Variants in PRKAR2B observed in about 807,000 individuals in gnomAD.
PRKAR2B encodes the protein protein kinase cAMP-dependent type II regulatory subunit beta.
PRKAR2B carries 14 observed loss-of-function variants against 49.9 expected under a neutral mutation model. The ratio of observed to expected loss-of-function variants is 0.28; its 90% CI spans 0.19 to 0.44. The LOEUF (loss-of-function observed/expected upper bound fraction) is 0.44. Among genes scored for constraint, PRKAR2B ranks in the 20% least tolerant of loss-of-function variants. The pLI is 1.00. For synonymous variants in PRKAR2B, 196 were observed against 197.7 expected (o/e 0.99, Z 0.07); for missense variants, 393 against 537.9 (o/e 0.73, Z 2.67).
intron 4 of PRKAR2B, among the ~76,000 whole-genome samples, chr7:107,135,121 CAAT>C (rs1272140546): frequency 6.6e-6 from 1 of 151,564 alleles, no homozygotes; most frequent in Non-Finnish European, 1.5e-5. Flanking sequence ...CACAACTCAA[CAAT>C]AAAAAGACAA....
chr7:107,141,061 C>A, intron 5 of PRKAR2B, 108 bp downstream of exon 5: 1 of 732,566 alleles, frequency 1.4e-6, no homozygotes, highest in Non-Finnish European at 2.2e-6. Context: ...GTTATTGCCG[C>A]TACTCTTATT....
rs757942408 is a variant in PRKAR2B, at chr7:107,140,861, A to T, written c.495A>T (p.Gln165His). The change falls in exon 5 of 11, where the codon CAA (glutamine) becomes CAT (histidine). Residue 165 changes from glutamine (Q) to histidine (H), a missense_variant. This residue lies in a region of PRKAR2B where 233 missense variants were observed against 390.4 expected (regional missense o/e 0.60). Coordinates refer to ENST00000265717, the MANE Select transcript of PRKAR2B (RefSeq NM_002736.3). Reference sequence around the variant, plus strand: ...TTTAAAAATAGGAGCAGATGTCTCAAGTATTAGATGCCATGTTTGAAAAAT... The same window carrying T: ...TTTAAAAATAGGAGCAGATGTCTCATGTATTAGATGCCATGTTTGAAAAAT... ...FKNLDPEQMS[Q>H]VLDAMFEKLV... 3 of 1,610,976 alleles carry T rather than the reference A, an allele frequency of 1.9e-6. No homozygotes were observed. The highest frequency in any genetic ancestry group is 2.5e-6 in the Non-Finnish European group (3 of 1,178,432).
At chr7:107,135,559 ACTTTC>A (rs1424743959) in intron 4 of PRKAR2B, among the ~76,000 whole-genome samples, 1 of 152,192 alleles carries the variant, frequency 6.6e-6, no homozygotes, top group Non-Finnish European at 1.5e-5. Flanking sequence ...AAAGTTAATC[ACTTTC>A]CTTTATATCA....
At chr7:107,090,594 T>A (rs993302723) in intron 2 of PRKAR2B, among the ~76,000 whole-genome samples, 2 of 152,252 alleles carry the variant, frequency 1.3e-5, no homozygotes, top group Admixed American at 1.3e-4. Context: ...TCTGTCTTTC[T>A]TTGCCAAAGG....
intron 2 of PRKAR2B, among the ~76,000 whole-genome samples, chr7:107,097,265 CCTT>C (rs1794859272): frequency 6.6e-6 from 1 of 152,000 alleles, no homozygotes. Flanking sequence ...TATGTAATGG[CCTT>C]CTTTGTCTCT....
intron 5 of PRKAR2B, among the ~76,000 whole-genome samples, chr7:107,144,736 G>T (rs1795857542): frequency 6.6e-6 from 1 of 150,462 alleles, no homozygotes; most frequent in Admixed American, 6.6e-5. Flanking sequence ...GGAATTACAG[G>T]CATGAGGTAC....
chr7:107,131,460 A>C (rs1279229945), intron 4 of PRKAR2B, among the ~76,000 whole-genome samples: 2 of 152,252 alleles, frequency 1.3e-5, no homozygotes, highest in Non-Finnish European at 2.9e-5. Flanking sequence ...TTTTGTAAAC[A>C]TAAGAGTTCT....
chr7:107,095,256 C>A (rs1184000172), intron 2 of PRKAR2B, among the ~76,000 whole-genome samples: 5 of 152,066 alleles, frequency 3.3e-5, no homozygotes, highest in Non-Finnish European at 5.9e-5. Flanking sequence ...GTATTTTATT[C>A]TCTTTGAAGC....
At chr7:107,065,516 TCTA>T (rs1475668150) in intron 1 of PRKAR2B, among the ~76,000 whole-genome samples, 4 of 152,172 alleles carry the variant, frequency 2.6e-5, no homozygotes, top group African/African-American at 9.7e-5. Flanking sequence ...TTTTTAGTCT[TCTA>T]CTGGATTTCT....
rs1033077625 is a variant in PRKAR2B at position 107,044,864 on chromosome 7, G to A, written c.-44G>A. On this transcript the variant is annotated 5_prime_UTR_variant, in exon 1 of 11. Transcript: ENST00000265717. ...GCGGGGCCCTAGGCCGTGCCGGGGAGGGGGCGAGGGCGGCGCCCAGGCGCC... is the reference window on the plus strand; with the variant it reads ...GCGGGGCCCTAGGCCGTGCCGGGGAAGGGGCGAGGGCGGCGCCCAGGCGCC... 4 of 1,523,398 alleles carry A rather than the reference G, an allele frequency of 2.6e-6. No homozygotes were observed. Among genetic ancestry groups the A allele is most frequent in the East Asian group, 2.5e-5 (1 of 40,606 alleles). 94.4% of individuals were successfully genotyped at this position (1,523,398 alleles called of 1,614,324 possible).
intron 2 of PRKAR2B, among the ~76,000 whole-genome samples, chr7:107,118,442 C>G (rs1795320194): frequency 7.3e-6 from 1 of 136,580 alleles, no homozygotes; most frequent in African/African-American, 2.6e-5. Flanking sequence ...TGTTCATCAA[C>G]CAGTCATTTA....
At chr7:107,081,902 TTA>T (rs1794521937) in intron 2 of PRKAR2B, 1 of 152,238 alleles carries the variant, frequency 6.6e-6, no homozygotes, top group Non-Finnish European at 1.5e-5. Flanking sequence ...GACCTTTTCC[TTA>T]GATATTTTAA....
intron 1 of PRKAR2B, among the ~76,000 whole-genome samples, chr7:107,056,025 C>T (rs1341544450): frequency 2.0e-5 from 3 of 152,056 alleles, no homozygotes; most frequent in African/African-American, 7.2e-5. Flanking sequence ...GTTTCAGCTT[C>T]CTACATATGG....
chr7:107,155,506 A>G (rs911887052), intron 8 of PRKAR2B, among the ~76,000 whole-genome samples: 6 of 152,150 alleles, frequency 3.9e-5, no homozygotes, highest in African/African-American at 9.7e-5. Context: ...AAGCATTCCT[A>G]TTTCTCCACA....
rs529945574 is a variant in PRKAR2B, at chr7:107,161,762, A to G, written c.*2180A>G. On this transcript the variant is annotated 3_prime_UTR_variant, in exon 11 of 11. Transcript: ENST00000265717. ...TTAGAATAACCAAATCAATCTGGCT[A>G]ACTAGGAATTTATGTGTAAAATTAT... 1 of 152,328 alleles carries G rather than the reference A, an allele frequency of 6.6e-6. No homozygotes were observed. Among genetic ancestry groups the G allele is most frequent in the African/African-American group, 2.4e-5 (1 of 41,580 alleles). 9.4% of individuals were successfully genotyped at this position (152,328 alleles called of 1,614,324 possible).
chr7:107,058,064 T>TAA (rs11409171), intron 1 of PRKAR2B, among the ~76,000 whole-genome samples: 76 of 140,330 alleles, frequency 5.4e-4, no homozygotes, highest in African/African-American at 1.9e-3. Flanking sequence ...GAAAAAAAAG[T>TAA]AAAAAAAAAA....
chr7:107,105,353 A>G (rs1562858655), intron 2 of PRKAR2B, among the ~76,000 whole-genome samples: 1 of 152,226 alleles, frequency 6.6e-6, no homozygotes, highest in South Asian at 2.1e-4. Flanking sequence ...AAGTGGGAAC[A>G]TAAGTCTCTT....
chr7:107,089,187 A>T (rs1486617919), intron 2 of PRKAR2B, among the ~76,000 whole-genome samples: 1 of 152,172 alleles, frequency 6.6e-6, no homozygotes, highest in Non-Finnish European at 1.5e-5. Context: ...CAAACAAAAA[A>T]ATAGTCACAT....
chr7:107,121,611 A>G, intron 2 of PRKAR2B, among the ~76,000 whole-genome samples: 1 of 152,132 alleles, frequency 6.6e-6, no homozygotes, highest in East Asian at 1.9e-4. Flanking sequence ...TAAATTCATC[A>G]TTTCATGGCA....
Sources: gnomAD v4.1 joint callset for allele counts (sites outside exome capture counted in the v4.1 genomes callset) on GRCh38, gnomAD v4.1.1 for gene constraint, gnomAD v4.1.1 regional missense constraint, MANE v1.5 for transcripts, NCBI Gene and HGNC (gene_info 2026-07-23, HGNC 2026-07-21) for gene names.